The following WDR93 variants were observed in gnomAD, a reference collection of about 807,000 sequenced individuals.
The protein encoded by WDR93 is WD repeat domain 93, also known as WD repeat-containing protein 93.
A neutral mutation model predicts 82.9 loss-of-function variants in WDR93; 73 were observed. The ratio of observed to expected loss-of-function variants is 0.88; its 90% CI spans 0.73 to 1.07. The LOEUF (loss-of-function observed/expected upper bound fraction) is 1.07. WDR93 is among the 50% of genes least tolerant of loss of function. WDR93 has a pLI of 0.00. For synonymous variants in WDR93, 283 were observed against 300.1 expected (o/e 0.94, Z 0.59); for missense variants, 738 against 826.0 (o/e 0.89, Z 1.31).
chr15:89,731,025 G>A (rs927023588), intron 11 of WDR93, among the ~76,000 whole-genome samples: 5 of 152,026 alleles, frequency 3.3e-5, no homozygotes, highest in African/African-American at 7.2e-5. Context: ...CTTTTCTTCC[G>A]TCCCTTTCCC....
At chr15:89,708,874 G>T (rs1432988016) in intron 4 of WDR93, among the ~76,000 whole-genome samples, 3 of 152,244 alleles carry the variant, frequency 2.0e-5, no homozygotes, top group African/African-American at 7.2e-5. Flanking sequence ...GTGAGAGTGG[G>T]GAAATGACCA....
At chr15:89,729,628 C>G in intron 10 of WDR93, 55 bp from the exon 11 acceptor site, 1 of 1,407,202 alleles carries the variant, frequency 7.1e-7, no homozygotes. Context: ...AAAGGCCACC[C>G]AGATTTCCCC....
chr15:89,733,057 T>C lies in WDR93; in HGVS notation c.1382T>C (p.Ile461Thr). The C allele has an allele frequency of 6.2e-7, 1 of 1,614,160 alleles. No individual in the cohort carries two copies. Among genetic ancestry groups the C allele is most frequent in the Non-Finnish European group, 8.5e-7 (1 of 1,179,992 alleles). Residue 461 changes from isoleucine to threonine, a missense_variant, in exon 13 of 17, where the codon ATT (isoleucine) becomes ACT (threonine). By Grantham distance (89) the Ile-to-Thr change is moderately conservative. Coordinates refer to ENST00000268130, the MANE Select transcript of WDR93 (RefSeq NM_020212.2). ...ALPQGCFCQS[I>T]HFLKYFSVHK... ...CCTCAGGGATGTTTCTGCCAAAGCA[T>C]TCACTTCCTAAAATATTTCTCGGTC...
intron 4 of WDR93, among the ~76,000 whole-genome samples, chr15:89,709,338 T>G (rs966326825): frequency 6.6e-6 from 1 of 152,090 alleles, no homozygotes; most frequent in Admixed American, 6.6e-5. Context: ...ATTTATTTAT[T>G]TTTTGCCTGT....
intron 1 of WDR93, among the ~76,000 whole-genome samples, chr15:89,698,131 G>A (rs1395532179): frequency 5.3e-5 from 8 of 151,784 alleles, no homozygotes; most frequent in African/African-American, 7.3e-5. Context: ...TGATCCGCCC[G>A]TCTCAGCCTC....
At position 89,690,864 on chromosome 15, in the gene WDR93, A is replaced by G. The variant is rs1964833003; in HGVS notation, c.-41+7A>G. ...CGCAACGCCGCCCGGCCAGGTGAGC[A>G]AAACTGATCTTACCTTTGGATGCCG... On this transcript the variant is annotated splice_region_variant and intron_variant, in intron 1 of 16. Coordinates refer to ENST00000268130, the MANE Select transcript of WDR93 (RefSeq NM_020212.2). The G allele has an allele frequency of 1.9e-6, 1 of 530,490 alleles. No homozygotes were observed. The highest frequency in any genetic ancestry group is 3.4e-6 in the Non-Finnish European group (1 of 297,206). 32.9% of individuals were successfully genotyped at this position (530,490 alleles called of 1,614,324 possible).
chr15:89,702,873 A>C, intron 2 of WDR93, 77 bp from the exon 3 acceptor site: 1 of 1,455,112 alleles, frequency 6.9e-7, no homozygotes. Context: ...AGGGCCCCTG[A>C]ATGTCTCTGA....
At position 89,702,000 on chromosome 15, in the gene WDR93, A is replaced by G. The variant is rs1255338800; in HGVS notation, c.254A>G (p.Glu85Gly). The G allele has an allele frequency of 1.2e-6, 2 of 1,612,938 alleles. No individual in the cohort carries two copies. Among genetic ancestry groups the G allele is most frequent in the African/African-American group, 2.7e-5 (2 of 75,022 alleles). Residue 85 changes from glutamate to glycine, a missense_variant, in exon 2 of 17, where the codon GAG (glutamate) becomes GGG (glycine). Transcript: ENST00000268130. ...IEERNALREAESSQIQPTVYP... is the reference protein window; with the variant it reads ...IEERNALREAGSSQIQPTVYP... ...GAGAGAAACGCACTGAGGGAAGCTG[A>G]GAGCAGCCAGATCCAGCCCACCGTC...
intron 16 of WDR93, among the ~76,000 whole-genome samples, chr15:89,740,565 G>A (rs1468449631): frequency 6.6e-6 from 1 of 152,252 alleles, no homozygotes; most frequent in East Asian, 1.9e-4. Flanking sequence ...GCACTGGCGC[G>A]ATCTCGGCTC....
At chr15:89,694,843 T>G (rs528043645) in intron 1 of WDR93, among the ~76,000 whole-genome samples, 1 of 152,230 alleles carries the variant, frequency 6.6e-6, no homozygotes, top group African/African-American at 2.4e-5. Flanking sequence ...TTACTTTGAG[T>G]TAATTTTTGC....
At position 89,712,090 on chromosome 15, in the gene WDR93, C is replaced by T; in HGVS notation, c.626C>T (p.Ala209Val). 6.2e-7 allele frequency: 1 copy of T among 1,612,452 alleles called. No homozygotes were observed. Among genetic ancestry groups the T allele is most frequent in the South Asian group, 1.1e-5 (1 of 90,760 alleles). ...ATCTCTCAAGGAGGGGACTTTGCAG[C>T]CTTCCTCCTACAAGGCAAGATTAAC... ...MEISQGGDFAAFLLQGAGDIW... is the reference protein window; with the variant it reads ...MEISQGGDFAVFLLQGAGDIW... The change falls in exon 5 of 17, where the codon GCC becomes GTC. Residue 209 changes from alanine (A) to valine (V), a missense_variant. Transcript: ENST00000268130.
chr15:89,705,858 T>G (rs1345143157), intron 4 of WDR93, among the ~76,000 whole-genome samples: 1 of 152,172 alleles, frequency 6.6e-6, no homozygotes, highest in Non-Finnish European at 1.5e-5. Flanking sequence ...GAACTCCAGA[T>G]TTTTCTTTTG....
At chr15:89,736,328 C>G (rs2141710442) in intron 14 of WDR93, among the ~76,000 whole-genome samples, 1 of 152,232 alleles carries the variant, frequency 6.6e-6, no homozygotes, top group African/African-American at 2.4e-5. Flanking sequence ...CCTGGTGTGG[C>G]CCTACGGAGG....
At chr15:89,699,652 C>G (rs72752553) in intron 1 of WDR93, among the ~76,000 whole-genome samples, 1 of 151,294 alleles carries the variant, frequency 6.6e-6, no homozygotes, top group Non-Finnish European at 1.5e-5. Flanking sequence ...CTTTTTTATT[C>G]CTTCGTTTCA....
At position 89,722,113 on chromosome 15, in the gene WDR93, A is replaced by T. The variant is rs1013548404; in HGVS notation, c.854A>T (p.Lys285Met). ...IKLSLPVYIM[K>M]IKPPKPVTGT... is the part of the protein sequence containing the mutation. ...TTGAGTCTTCCAGTTTACATAATGA[A>T]GATCAAACCACCTAAGCCTGTTACA... Residue 285 changes from lysine (K) to methionine (M), a missense_variant, in exon 8 of 17, where the codon AAG (lysine) becomes ATG (methionine). Transcript: ENST00000268130. 1 of 1,608,414 alleles carries T rather than the reference A, an allele frequency of 6.2e-7. No homozygotes were observed. Among genetic ancestry groups the T allele is most frequent in the African/African-American group, 1.3e-5 (1 of 74,730 alleles).
chr15:89,695,668 C>T (rs1965131882), intron 1 of WDR93, among the ~76,000 whole-genome samples: 1 of 152,138 alleles, frequency 6.6e-6, no homozygotes, highest in African/African-American at 2.4e-5. Flanking sequence ...CCTTGCTCTC[C>T]TCATTTATTA....
chr15:89,740,982 G>T (rs1256325619), intron 16 of WDR93, among the ~76,000 whole-genome samples: 1 of 151,746 alleles, frequency 6.6e-6, no homozygotes. Context: ...TCTACTAAAA[G>T]TACAAAAATT....
intron 10 of WDR93, 30 bp downstream of exon 10, chr15:89,729,123 T>A (rs1241683501): frequency 6.3e-7 from 1 of 1,599,210 alleles, no homozygotes; most frequent in African/African-American, 1.3e-5. Flanking sequence ...GTGGTTGTCC[T>A]AGCAAGGAGT....
At chr15:89,715,188 C>A in intron 6 of WDR93, 93 bp downstream of exon 6, 1 of 1,056,596 alleles carries the variant, frequency 9.5e-7, no homozygotes. Flanking sequence ...TGAATGAGGC[C>A]TCTGGGCTAT....
Sources: allele counts gnomAD v4.1 joint callset (sites outside exome capture counted in the v4.1 genomes callset), GRCh38; gene constraint gnomAD v4.1.1; transcripts MANE v1.5; gene names NCBI Gene and HGNC (gene_info 2026-07-23, HGNC 2026-07-21).